STEAP3: variants seen among roughly 807,000 people sequenced by gnomAD.
The protein encoded by STEAP3 is STEAP3 metalloreductase.
In STEAP3, 35 loss-of-function variants were observed where a neutral mutation model predicts 34.9. The ratio of observed to expected loss-of-function variants is 1.00; its 90% CI spans 0.76 to 1.33. STEAP3 has a LOEUF of 1.33. Ranked by LOEUF, STEAP3 falls within the 40% of genes most tolerant of loss-of-function variation. The pLI, the probability that STEAP3 is intolerant of heterozygous loss-of-function variation, is 0.00. For synonymous variants in STEAP3, 281 were observed against 301.6 expected (o/e 0.93, Z 0.71); for missense variants, 652 against 667.6 (o/e 0.98, Z 0.26).
At chr2:119,256,426 C>T (rs541159095) in intron 5 of STEAP3, among the ~76,000 whole-genome samples, 3 of 152,174 alleles carry the variant, frequency 2.0e-5, no homozygotes, top group Non-Finnish European at 4.4e-5. Context: ...CTGGAGTATC[C>T]GGCGTGCATG....
chr2:119,263,218 T>A lies in STEAP3; in HGVS notation c.1377T>A (p.Phe459Leu), dbSNP rs1175292158. 6.2e-7 allele frequency: 1 copy of A among 1,614,076 alleles called. No homozygotes were observed. The highest frequency in any genetic ancestry group is 1.3e-5 in the African/African-American group (1 of 75,014). ...PCVVILAKAL[F>L]LLPCISRRLA... The stretch of plus-strand genomic sequence containing the variant: ...TCGTCATCCTGGCCAAAGCCCTGTT[T>A]CTCCTGCCCTGCATCAGCCGCAGAC... The change falls in exon 6 of 6, where the codon TTT (phenylalanine) becomes TTA (leucine). Residue 459 changes from phenylalanine to leucine, a missense_variant. Transcript: ENST00000393110.
chr2:119,235,321 G>A (rs1677062940), intron 2 of STEAP3, among the ~76,000 whole-genome samples: 1 of 152,236 alleles, frequency 6.6e-6, no homozygotes, highest in Non-Finnish European at 1.5e-5. Context: ...ATCTAGAGGA[G>A]CTCAGAGACA....
At chr2:119,247,499 G>A (rs1677466208) in intron 3 of STEAP3, among the ~76,000 whole-genome samples, 180 bp from the exon 4 acceptor site, 1 of 152,204 alleles carries the variant, frequency 6.6e-6, no homozygotes, top group Non-Finnish European at 1.5e-5. Context: ...CTGGGCAGCA[G>A]AGAAAAGACC....
chr2:119,246,688 C>CT (rs1408193606), intron 3 of STEAP3: 1 of 152,576 alleles, frequency 6.6e-6, no homozygotes, highest in Non-Finnish European at 1.5e-5. Context: ...ACTACAGCAC[C>CT]TTAAATGCAG....
chr2:119,241,265 G>A (rs991244216), intron 2 of STEAP3, among the ~76,000 whole-genome samples: 2 of 152,140 alleles, frequency 1.3e-5, no homozygotes, highest in African/African-American at 4.8e-5. Context: ...AAGGCACCCA[G>A]CTACTGGCAT....
In STEAP3 at chr2:119,248,078, T is replaced by C; in HGVS notation, c.922T>C (p.Trp308Arg). 2.5e-6 allele frequency: 4 copies of C among 1,608,496 alleles called. No homozygotes were observed. In the South Asian group the frequency reaches 3.3e-5, roughly 13 times the overall value. The stretch of plus-strand genomic sequence containing the variant: ...GCGCTTCCCCGACTGGCTGGACCAC[T>C]GGCTACAGCACCGCAAGCAGATCGG... Reference protein sequence around the residue: ...YQRFPDWLDHWLQHRKQIGLL... With the variant: ...YQRFPDWLDHRLQHRKQIGLL... The change falls in exon 4 of 6, where the codon TGG (tryptophan) becomes CGG (arginine). Residue 308 changes from tryptophan (W) to arginine (R), a missense_variant. By Grantham distance (101) the Trp-to-Arg change is moderately radical (BLOSUM62 -3). Coordinates refer to ENST00000393110, the MANE Select transcript of STEAP3 (RefSeq NM_182915.3).
chr2:119,265,585 C>CT lies in STEAP3; in HGVS notation c.*2248dup, dbSNP rs1485291633. On this transcript the variant is annotated 3_prime_UTR_variant, in exon 6 of 6. Transcript: ENST00000393110. ...AAAATCTATGCCTTCAAAAGAGTCT[C>CT]TGTTTTTTTTTTTTAACCTGGTAGA... is the stretch of plus-strand genomic sequence containing the variant. The CT allele has an allele frequency of 6.6e-6, 1 of 151,934 alleles. No homozygotes were observed. Among genetic ancestry groups the CT allele is most frequent in the Non-Finnish European group, 1.5e-5 (1 of 68,016 alleles). 9.4% of individuals were successfully genotyped at this position (151,934 alleles called of 1,614,324 possible). A position where few individuals can be genotyped will look rare whatever the true frequency, so the allele number is the denominator to read the frequency against.
chr2:119,233,452 A>G (rs1677003354), intron 2 of STEAP3, among the ~76,000 whole-genome samples: 1 of 152,238 alleles, frequency 6.6e-6, no homozygotes, highest in Admixed American at 6.5e-5. Flanking sequence ...TTAGAAACTC[A>G]TAGTATTATT....
At chr2:119,248,227 C>G (rs775738427) in intron 4 of STEAP3, 21 bp downstream of exon 4, 5 of 1,551,456 alleles carry the variant, frequency 3.2e-6, no homozygotes. Context: ...CATGCCCTTC[C>G]TCCCTCTGGC....
Position 119,262,408 on chromosome 2 carries a change from C to T in STEAP3, c.1216-649C>T, listed in dbSNP as rs573771931. 7.2e-5 allele frequency among the ~76,000 whole-genome samples: 11 copies of T among 151,958 alleles called. No individual in the cohort carries two copies. The East Asian group carries it at 2.1e-3, about 29-fold the overall frequency. ...TAGAGACAGGGTCTTGCTCTGTTAC[C>T]CAGGCTGGAGTGCAGTAGTGCAGTG... On this transcript the variant is annotated intron_variant, in intron 5 of 5. Transcript: ENST00000393110.
At chr2:119,259,372 C>T (rs1677876457) in intron 5 of STEAP3, among the ~76,000 whole-genome samples, 1 of 152,224 alleles carries the variant, frequency 6.6e-6, no homozygotes, top group African/African-American at 2.4e-5. Flanking sequence ...AAATTGTTCC[C>T]AAGGAGAGTT....
intron 4 of STEAP3, among the ~76,000 whole-genome samples, chr2:119,250,053 A>T (rs917535388): frequency 6.6e-6 from 1 of 152,186 alleles, no homozygotes; most frequent in African/African-American, 2.4e-5. Context: ...GGGGTCAAGT[A>T]ACTTGGCCAA....
intron 2 of STEAP3, 91 bp downstream of exon 2, chr2:119,231,125 T>G: frequency 6.4e-7 from 1 of 1,561,468 alleles, no homozygotes; most frequent in African/African-American, 1.4e-5. Context: ...CCTGCCCTGC[T>G]GGAGGGTGCC....
In STEAP3 at chr2:119,247,765, A is replaced by C; in HGVS notation, c.609A>C (p.Gly203=). The part of the protein sequence containing the change: ...LAMGFMPVDM[G]SLASAWEVEA... ...TGGGCTTCATGCCCGTGGACATGGG[A>C]TCCCTGGCGTCAGCCTGGGAGGTGG... Residue 203 remains glycine (G), a synonymous_variant, in exon 4 of 6, where the codon GGA becomes GGC. Coordinates refer to ENST00000393110, the MANE Select transcript of STEAP3 (RefSeq NM_182915.3). 6.2e-7 allele frequency: 1 copy of C among 1,605,410 alleles called. No homozygotes were observed. Among genetic ancestry groups the C allele is most frequent in the South Asian group, 1.1e-5 (1 of 90,802 alleles).
chr2:119,232,810 CT>C (rs1370717123), intron 2 of STEAP3, among the ~76,000 whole-genome samples: 8 of 152,096 alleles, frequency 5.3e-5, no homozygotes, highest in African/African-American at 1.2e-4. Flanking sequence ...CCACCTACCC[CT>C]GGGACCTCTA....
intron 5 of STEAP3, among the ~76,000 whole-genome samples, chr2:119,256,720 C>T (rs1009393913): frequency 5.3e-5 from 8 of 152,150 alleles, no homozygotes; most frequent in African/African-American, 1.2e-4. Flanking sequence ...GCCTTCCATC[C>T]ACAAAAACCA....
At chr2:119,229,233 C>G (rs2104788615) in intron 1 of STEAP3, among the ~76,000 whole-genome samples, 1 of 152,308 alleles carries the variant, frequency 6.6e-6, no homozygotes, top group Non-Finnish European at 1.5e-5. Context: ...ACCTCTGCCT[C>G]CCAATTTCAA....
chr2:119,253,966 AG>A (rs1677700009), intron 4 of STEAP3, among the ~76,000 whole-genome samples: 1 of 151,742 alleles, frequency 6.6e-6, no homozygotes, highest in Non-Finnish European at 1.5e-5. Flanking sequence ...TGCCTGGCAA[AG>A]TTGAGCCAAG....
chr2:119,234,886 AACCAGCACTG>A (rs1677050029), intron 2 of STEAP3, among the ~76,000 whole-genome samples: 1 of 152,092 alleles, frequency 6.6e-6, no homozygotes, highest in African/African-American at 2.4e-5. Flanking sequence ...TCCCCTTCCC[AACCAGCACTG>A]ACCATCATCC....
Sources: gnomAD v4.1 joint callset for allele counts (sites outside exome capture counted in the v4.1 genomes callset) on GRCh38, gnomAD v4.1.1 for gene constraint, MANE v1.5 for transcripts, NCBI Gene and HGNC (gene_info 2026-07-23, HGNC 2026-07-21) for gene names.